The following KCNQ5 variants were observed in gnomAD, a reference collection of about 807,000 sequenced individuals.
KCNQ5 encodes the protein potassium voltage-gated channel subfamily Q member 5.
Under a neutral mutation model 98.2 loss-of-function variants are expected in KCNQ5, and 30 were observed. The observed-to-expected ratio is 0.31, with a 90% confidence interval of 0.23 to 0.41. KCNQ5 has a LOEUF of 0.41. KCNQ5 is among the 10% of genes least tolerant of loss of function. The probability of loss-of-function intolerance (pLI) is 1.00; values close to 1 mark genes in which losing one functional copy is unlikely to be tolerated. For missense variants in KCNQ5, 835 were observed against 1,182.5 expected (o/e 0.71, Z 4.31); for synonymous variants, 458 against 449.4 (o/e 1.02, Z -0.24).
At chr6:72,812,022 C>T (rs1334653110) in intron 1 of KCNQ5, among the ~76,000 whole-genome samples, 4 of 152,182 alleles carry the variant, frequency 2.6e-5, no homozygotes, top group Admixed American at 6.5e-5. Context: ...TATAGGGTGA[C>T]TTCCTGACGT....
chr6:72,883,742 G>A (rs997899976), intron 1 of KCNQ5, among the ~76,000 whole-genome samples: 1 of 152,140 alleles, frequency 6.6e-6, no homozygotes, highest in African/African-American at 2.4e-5. Flanking sequence ...TTACACAGCA[G>A]CCAATGAGTA....
intron 1 of KCNQ5, among the ~76,000 whole-genome samples, chr6:72,876,506 T>C (rs1335360627): frequency 2.6e-5 from 4 of 152,186 alleles, no homozygotes; most frequent in Admixed American, 6.5e-5. Context: ...ATAAATCAGA[T>C]TGCCTTGAGC....
chr6:73,014,290 A>G (rs1291690320), intron 2 of KCNQ5, among the ~76,000 whole-genome samples: 1 of 152,132 alleles, frequency 6.6e-6, no homozygotes, highest in Non-Finnish European at 1.5e-5. Flanking sequence ...CATGTTGAGA[A>G]AAGAGAACTC....
intron 10 of KCNQ5, among the ~76,000 whole-genome samples, chr6:73,145,998 G>C (rs1776907166): frequency 6.6e-6 from 1 of 152,074 alleles, no homozygotes; most frequent in South Asian, 2.1e-4. Context: ...CCACCCCCAT[G>C]ATCCATTCAC....
intron 1 of KCNQ5, among the ~76,000 whole-genome samples, chr6:72,684,545 C>T (rs1004474729): frequency 1.3e-5 from 2 of 152,176 alleles, no homozygotes; most frequent in Admixed American, 6.5e-5. Context: ...GATTATTACA[C>T]ATTGTATACA....
At chr6:72,853,230 A>G (rs1445418307) in intron 1 of KCNQ5, among the ~76,000 whole-genome samples, 1 of 152,214 alleles carries the variant, frequency 6.6e-6, no homozygotes, top group Admixed American at 6.5e-5. Flanking sequence ...TGAATAAGAC[A>G]TATGTATTTC....
chr6:72,978,488 C>T (rs1768266283), intron 1 of KCNQ5, among the ~76,000 whole-genome samples: 1 of 152,124 alleles, frequency 6.6e-6, no homozygotes, highest in East Asian at 1.9e-4. Context: ...TGGTTCTTTC[C>T]ACACTGAATG....
chr6:72,891,812 A>G (rs540217950), intron 1 of KCNQ5, among the ~76,000 whole-genome samples: 6 of 152,316 alleles, frequency 3.9e-5, no homozygotes, highest in Admixed American at 1.3e-4. Context: ...AGAATCCCCT[A>G]TCATCCATTC....
intron 3 of KCNQ5, among the ~76,000 whole-genome samples, chr6:73,049,385 A>C (rs1195031052): frequency 6.6e-6 from 1 of 152,238 alleles, no homozygotes; most frequent in Non-Finnish European, 1.5e-5. Flanking sequence ...CTTATAAAGC[A>C]GCACCATGTC....
intron 11 of KCNQ5, among the ~76,000 whole-genome samples, chr6:73,188,910 G>T (rs1765481649): frequency 6.6e-6 from 1 of 150,502 alleles, no homozygotes; most frequent in Non-Finnish European, 1.5e-5. Context: ...TTGAACCTGG[G>T]AGGCAGAAAT....
chr6:72,754,667 T>C (rs1771866207), intron 1 of KCNQ5, among the ~76,000 whole-genome samples: 1 of 151,962 alleles, frequency 6.6e-6, no homozygotes, highest in Non-Finnish European at 1.5e-5. Flanking sequence ...TGTTGCTGTA[T>C]GGGATCTCAA....
At chr6:73,068,442 T>C (rs572018730) in intron 3 of KCNQ5, among the ~76,000 whole-genome samples, 1 of 152,370 alleles carries the variant, frequency 6.6e-6, no homozygotes, top group South Asian at 2.1e-4. Context: ...TTTGTGGCTG[T>C]ATCGCATTTG....
chr6:72,694,109 T>C (rs1768357575), intron 1 of KCNQ5, among the ~76,000 whole-genome samples: 1 of 152,210 alleles, frequency 6.6e-6, no homozygotes, highest in Admixed American at 6.5e-5. Context: ...ACAGGGTCAC[T>C]GAGAATGTAG....
chr6:73,080,112 A>G (rs1376285033), intron 5 of KCNQ5, among the ~76,000 whole-genome samples: 1 of 151,666 alleles, frequency 6.6e-6, no homozygotes, highest in African/African-American at 2.4e-5. Flanking sequence ...TGTGTGGGAA[A>G]CTCTTAATAT....
At chr6:72,957,605 G>C (rs1186448622) in intron 1 of KCNQ5, among the ~76,000 whole-genome samples, 2 of 152,122 alleles carry the variant, frequency 1.3e-5, no homozygotes, top group African/African-American at 2.4e-5. Context: ...AGCCAGAACG[G>C]AGAGCCACTG....
intron 2 of KCNQ5, among the ~76,000 whole-genome samples, chr6:73,040,292 T>C (rs1771631866): frequency 6.6e-6 from 1 of 152,176 alleles, no homozygotes; most frequent in South Asian, 2.1e-4. Context: ...ATAATATGAG[T>C]ACTCACAACT....
At chr6:72,655,088 C>A (rs1318157628) in intron 1 of KCNQ5, among the ~76,000 whole-genome samples, 2 of 135,064 alleles carry the variant, frequency 1.5e-5, no homozygotes, top group Admixed American at 7.3e-5. Flanking sequence ...TTCTTTCTTT[C>A]TTTCTTTCTG....
intron 2 of KCNQ5, among the ~76,000 whole-genome samples, chr6:73,004,521 T>C (rs890524541): frequency 2.0e-5 from 3 of 152,224 alleles, no homozygotes; most frequent in Non-Finnish European, 4.4e-5. Flanking sequence ...TACCTGGTGA[T>C]AAATTCTGCA....
At chr6:72,633,687 A>C (rs567050745) in intron 1 of KCNQ5, among the ~76,000 whole-genome samples, 2 of 152,320 alleles carry the variant, frequency 1.3e-5, no homozygotes, top group African/African-American at 4.8e-5. Flanking sequence ...ACAAAAACAG[A>C]CACATAGATC....
Sources: gnomAD v4.1 joint callset for allele counts (sites outside exome capture counted in the v4.1 genomes callset) on GRCh38, gnomAD v4.1.1 for gene constraint, MANE v1.5 for transcripts, NCBI Gene and HGNC (gene_info 2026-07-23, HGNC 2026-07-21) for gene names.